The following LYAR variants were observed in gnomAD, a reference collection of about 807,000 sequenced individuals.
LYAR encodes cell growth-regulating nucleolar protein.
LYAR carries 37 observed loss-of-function variants against 45.2 expected under a neutral mutation model. That is an observed-to-expected ratio of 0.82 (90% CI 0.63 to 1.08). The LOEUF is 1.08. Among genes scored for constraint, LYAR ranks in the 50% least tolerant of loss-of-function variants. The pLI, the probability that LYAR is intolerant of heterozygous loss-of-function variation, is 0.00. For synonymous variants in LYAR, 176 were observed against 155.1 expected, an observed-to-expected ratio of 1.14 and a Z score of -1.00; for missense variants, 493 against 451.0, an observed-to-expected ratio of 1.09 and a Z score of -0.84.
intron 2 of LYAR, among the ~76,000 whole-genome samples, chr4:4,285,134 A>T (rs1481848058): frequency 6.6e-6 from 1 of 152,174 alleles, no homozygotes; most frequent in African/African-American, 2.4e-5. Context: ...ACACTATCAG[A>T]CATCAGCTCA....
rs1308005743 is a variant in LYAR, at chr4:4,273,582, C to A, written c.919+1G>T. The A allele has an allele frequency of 6.2e-7, 1 of 1,610,498 alleles. No individual in the cohort carries two copies. Among genetic ancestry groups the A allele is most frequent in the Non-Finnish European group, 8.5e-7 (1 of 1,177,018 alleles). ...CTCCTCAAATGACAGCAGTGATATA[C>A]CTTTTGCAGGAGCCTCATCGTCTTC... is the stretch of plus-strand genomic sequence containing the variant. On this transcript the variant is annotated splice_donor_variant, in intron 8 of 9. Coordinates refer to ENST00000343470, the MANE Select transcript of LYAR (RefSeq NM_017816.3). LOFTEE classifies it high-confidence loss of function.
In LYAR at chr4:4,274,492, TC is replaced by T; in HGVS notation, c.706del (p.Glu236ArgfsTer52). 6.2e-7 allele frequency: 1 copy of T among 1,614,194 alleles called. No individual in the cohort carries two copies. The highest frequency in any genetic ancestry group is 8.5e-7 in the Non-Finnish European group (1 of 1,180,034). ...GQEADLEAGGEEVPEANGSAG... is the reference protein window; with the variant it reads ...GQEADLEAGGXEVPEANGSAG... ...AGAGCCATTGGCCTCAGGGACTTCCTCCCCACCAGCCTCAAGGTCAGCCTCC... is the reference window on the plus strand; with the variant it reads ...AGAGCCATTGGCCTCAGGGACTTCCTCCCACCAGCCTCAAGGTCAGCCTCC... On this transcript the variant is annotated frameshift_variant, in exon 7 of 10. Transcript: ENST00000343470. LOFTEE classifies it high-confidence loss of function.
rs1466159671 is a variant in LYAR at position 4,281,886 on chromosome 4, T to C, written c.134A>G (p.Tyr45Cys). ...DCGKDFWGDDYKNHVKCISED... is the reference protein window; with the variant it reads ...DCGKDFWGDDCKNHVKCISED... ...ACTTATGCATTTCACGTGGTTTTTATAGTCATCGCCCCTTTAAAGTGATCA... is the reference window on the plus strand; with the variant it reads ...ACTTATGCATTTCACGTGGTTTTTACAGTCATCGCCCCTTTAAAGTGATCA... Residue 45 changes from tyrosine (Y) to cysteine (C), a missense_variant, in exon 4 of 10, where the codon TAT becomes TGT. By Grantham distance (194) the Tyr-to-Cys change is radical. Coordinates refer to ENST00000343470, the MANE Select transcript of LYAR (RefSeq NM_017816.3). The C allele has an allele frequency of 4.3e-6, 7 of 1,612,954 alleles. No individual in the cohort carries two copies. Among genetic ancestry groups the C allele is most frequent in the African/African-American group, 2.7e-5 (2 of 74,920 alleles).
intron 6 of LYAR, among the ~76,000 whole-genome samples, chr4:4,277,411 G>C (rs1300600265): frequency 6.6e-6 from 1 of 152,124 alleles, no homozygotes; most frequent in Admixed American, 6.5e-5. Context: ...ATCCAGACCA[G>C]ATTTTCAGCT....
chr4:4,283,644 G>A lies in LYAR; in HGVS notation c.99C>T (p.Cys33=). 1 of 1,612,506 alleles carries A rather than the reference G, an allele frequency of 6.2e-7. No individual in the cohort carries two copies. The highest frequency in any genetic ancestry group is 8.5e-7 in the Non-Finnish European group (1 of 1,179,830). ...SVCRNCECLS[C]IDCGKDFWGD... ...ACCAGAAATCTTTACCGCAGTCAATGCAAGAAAGGCATTCACAGTTTCTGC... is the reference window on the plus strand; with the variant it reads ...ACCAGAAATCTTTACCGCAGTCAATACAAGAAAGGCATTCACAGTTTCTGC... The change falls in exon 3 of 10, where the codon TGC becomes TGT. Residue 33 remains cysteine, a synonymous_variant. Coordinates refer to ENST00000343470, the MANE Select transcript of LYAR (RefSeq NM_017816.3).
intron 9 of LYAR, among the ~76,000 whole-genome samples, chr4:4,268,231 T>A (rs574159320): frequency 6.6e-6 from 1 of 152,062 alleles, no homozygotes; most frequent in East Asian, 1.9e-4. Context: ...CAAAGTGAAA[T>A]AAAGGAGAAG....
intron 6 of LYAR, among the ~76,000 whole-genome samples, chr4:4,277,714 C>T (rs1445768416): frequency 6.6e-6 from 1 of 152,228 alleles, no homozygotes; most frequent in East Asian, 1.9e-4. Flanking sequence ...ATCTCCCCCA[C>T]TAGAACACAG....
At chr4:4,268,449 AAAG>A in intron 9 of LYAR, 78 bp downstream of exon 9, 1 of 992,512 alleles carries the variant, frequency 1.0e-6, no homozygotes, top group Non-Finnish European at 1.6e-6. Context: ...TTAGGTGAAA[AAAG>A]AAAAAAACAA....
chr4:4,284,804 T>C (rs1011718579), intron 2 of LYAR, among the ~76,000 whole-genome samples: 2 of 152,232 alleles, frequency 1.3e-5, no homozygotes, highest in African/African-American at 4.8e-5. Flanking sequence ...GAGAACTGTT[T>C]AACCCAGAGC....
chr4:4,272,148 T>C (rs1020019043), intron 8 of LYAR, among the ~76,000 whole-genome samples: 3 of 152,102 alleles, frequency 2.0e-5, no homozygotes, highest in Non-Finnish European at 4.4e-5. Context: ...GCGATGGAAA[T>C]GGAAGCGTAT....
chr4:4,285,196 C>T (rs1375031286), intron 2 of LYAR, among the ~76,000 whole-genome samples: 1 of 152,162 alleles, frequency 6.6e-6, no homozygotes, highest in Non-Finnish European at 1.5e-5. Context: ...GTCCCAGGCC[C>T]CGCTCCTCAG....
rs751380144 is a variant in LYAR, at chr4:4,279,514, C to T, written c.362G>A (p.Ser121Asn). The change falls in exon 6 of 10, where the codon AGT becomes AAT. Residue 121 changes from serine (S) to asparagine (N), a missense_variant. Ser to Asn is a conservative substitution (Grantham distance 46). Transcript: ENST00000343470. ...AATGGATTCATTATGAACTTTTAAACTGTTCTTCATCCAATTCTGTAAGAA... is the reference window on the plus strand; with the variant it reads ...AATGGATTCATTATGAACTTTTAAATTGTTCTTCATCCAATTCTGTAAGAA... ...KAKFQNWMKN[S>N]LKVHNESILD... 2 of 1,611,604 alleles carry T rather than the reference C, an allele frequency of 1.2e-6. No individual in the cohort carries two copies. The highest frequency in any genetic ancestry group is 2.2e-5 in the South Asian group (2 of 91,020).
intron 4 of LYAR, 49 bp from the exon 5 acceptor site, chr4:4,279,798 G>T (rs1363012956): frequency 8.1e-7 from 1 of 1,239,254 alleles, no homozygotes; most frequent in Admixed American, 2.0e-5. Context: ...CAACCAACAT[G>T]AGTTTCATGA....
chr4:4,278,505 G>C (rs1719277108), intron 6 of LYAR, among the ~76,000 whole-genome samples: 1 of 152,192 alleles, frequency 6.6e-6, no homozygotes, highest in Non-Finnish European at 1.5e-5. Context: ...CCTTCTACCA[G>C]AAGGAAGGCG....
chr4:4,273,407 T>C (rs1268131722), intron 8 of LYAR, among the ~76,000 whole-genome samples, 176 bp downstream of exon 8: 2 of 152,100 alleles, frequency 1.3e-5, no homozygotes, highest in Non-Finnish European at 2.9e-5. Flanking sequence ...GACCGTGTAT[T>C]TCTCTCTTTT....
rs747406254 is a variant in LYAR, at chr4:4,283,782, T to TCC, written c.-41_-40insGG. 2.1e-5 allele frequency: 33 copies of TCC among 1,545,410 alleles called. No individual in the cohort carries two copies. The South Asian group carries it at 3.6e-4, about 17-fold the overall frequency. ...CTAAATATTCTCTATCCAAGACAGG[T>TCC]TTTAAGTCTTGTCCTAAGGAAAAAA... On this transcript the variant is annotated 5_prime_UTR_variant, in exon 3 of 10. Transcript: ENST00000343470.
At chr4:4,285,269 C>A (rs1719559659) in intron 2 of LYAR, among the ~76,000 whole-genome samples, 1 of 152,202 alleles carries the variant, frequency 6.6e-6, no homozygotes, top group Non-Finnish European at 1.5e-5. Context: ...AGCACCAAAT[C>A]CTCAGGAAGG....
In LYAR at chr4:4,273,830, C is replaced by T. The variant is rs2108840180; in HGVS notation, c.833-161G>A. ...TATAAAACCCCAGGAGGGTTTTATC[C>T]TCCTCCATGCTGGAGATGGGATGAA... On this transcript the variant is annotated intron_variant, in intron 7 of 9. Coordinates refer to ENST00000343470, the MANE Select transcript of LYAR (RefSeq NM_017816.3). Among the ~76,000 whole-genome samples, 3 of 152,358 alleles carry T rather than the reference C, an allele frequency of 2.0e-5. 1 individual carries two copies. The East Asian group carries it at 5.8e-4, about 29-fold the overall frequency.
At chr4:4,270,456 GA>G (rs1274993404) in intron 8 of LYAR, among the ~76,000 whole-genome samples, 2 of 141,510 alleles carry the variant, frequency 1.4e-5, no homozygotes, top group African/African-American at 2.6e-5. Context: ...CAAAAAGACT[GA>G]AAAAAAATTC....
Sources: allele counts gnomAD v4.1 joint callset (sites outside exome capture counted in the v4.1 genomes callset), GRCh38; gene constraint gnomAD v4.1.1; transcripts MANE v1.5; gene names NCBI Gene and HGNC (gene_info 2026-07-23, HGNC 2026-07-21).